Variants in CSMD1 observed in about 807,000 individuals in gnomAD.
CSMD1 encodes CUB and Sushi multiple domains 1, also known as CUB and sushi domain-containing protein 1.
In CSMD1, 213 loss-of-function variants were observed where a neutral mutation model predicts 417.5. The ratio of observed to expected loss-of-function variants is 0.51; its 90% CI spans 0.46 to 0.57. The LOEUF is 0.57. CSMD1 is among the 20% of genes least tolerant of loss of function. The pLI, the probability that CSMD1 is intolerant of heterozygous loss-of-function variation, is 0.00. For missense variants in CSMD1, 6,923 were observed against 4,529.7 expected (o/e 1.53, Z -15.17); for synonymous variants, 2,862 against 1,736.8 (o/e 1.65, Z -16.11).
At chr8:3,142,021 T>G (rs1818528869) in intron 41 of CSMD1, among the ~76,000 whole-genome samples, 1 of 151,992 alleles carries the variant, frequency 6.6e-6, no homozygotes, top group South Asian at 2.1e-4. Context: ...ATGGTCTCGA[T>G]CTCCTGACCT....
At position 3,369,382 on chromosome 8, in the gene CSMD1, A is replaced by C. The variant is rs371331772; in HGVS notation, c.2783-12T>G. 6.4e-5 allele frequency: 83 copies of C among 1,297,374 alleles called. No individual in the cohort carries two copies. Among genetic ancestry groups the C allele is most frequent in the Middle Eastern group, 1.8e-4 (1 of 5,466 alleles). The allele number at this position is 1,297,374 out of a possible 1,614,324, so 80.4% of individuals were successfully genotyped here. On this transcript the variant is annotated splice_polypyrimidine_tract_variant and intron_variant, in intron 18 of 69. Transcript: ENST00000635120. ...GCCTCCACATAGAGCTTAAAATAAT[A>C]AAGAGAGATGATTACAGCACTAAAG...
intron 7 of CSMD1, among the ~76,000 whole-genome samples, chr8:3,636,284 G>C (rs770592743): frequency 1.8e-4 from 27 of 152,146 alleles, no homozygotes; most frequent in Admixed American, 5.9e-4. Context: ...CCTCCTGAAG[G>C]CCCTGCCTGA....
intron 2 of CSMD1, among the ~76,000 whole-genome samples, chr8:4,438,824 T>G (rs1411514152): frequency 6.6e-6 from 1 of 152,200 alleles, no homozygotes; most frequent in Non-Finnish European, 1.5e-5. Flanking sequence ...AAGATCTAAT[T>G]CTCAAAATTG....
At chr8:3,056,750 A>T (rs1435911990) in intron 49 of CSMD1, among the ~76,000 whole-genome samples, 2 of 136,948 alleles carry the variant, frequency 1.5e-5, no homozygotes, top group Non-Finnish European at 3.2e-5. Flanking sequence ...ATGAATATGT[A>T]TATATAACTT....
At chr8:4,512,572 G>A (rs1240240052) in intron 2 of CSMD1, among the ~76,000 whole-genome samples, 1 of 151,936 alleles carries the variant, frequency 6.6e-6, no homozygotes, top group Non-Finnish European at 1.5e-5. Context: ...GAACTAATAA[G>A]CAATTATAGC....
chr8:3,284,690 G>A, intron 25 of CSMD1: 1 of 256,916 alleles, frequency 3.9e-6, no homozygotes, highest in Non-Finnish European at 7.7e-6. Flanking sequence ...ATATAAGCTT[G>A]GCATTGACAG....
chr8:4,769,485 T>A (rs1482460089), intron 1 of CSMD1, among the ~76,000 whole-genome samples: 1 of 152,212 alleles, frequency 6.6e-6, no homozygotes, highest in Non-Finnish European at 1.5e-5. Flanking sequence ...TATGTATTAA[T>A]ATAACATTTG....
chr8:4,365,226 G>A (rs965386449), intron 3 of CSMD1, among the ~76,000 whole-genome samples: 1 of 152,062 alleles, frequency 6.6e-6, no homozygotes, highest in Non-Finnish European at 1.5e-5. Context: ...AAAGAGTTTT[G>A]TTAATGCTTA....
intron 3 of CSMD1, among the ~76,000 whole-genome samples, chr8:4,406,239 G>C (rs572877130): frequency 6.6e-6 from 1 of 152,100 alleles, no homozygotes; most frequent in East Asian, 1.9e-4. Context: ...CCCAAATGGT[G>C]CAAGTGGCTC....
intron 3 of CSMD1, among the ~76,000 whole-genome samples, chr8:4,172,075 G>T (rs1006330908): frequency 7.2e-5 from 11 of 152,006 alleles, no homozygotes; most frequent in African/African-American, 2.7e-4. Context: ...CTCTTTCTCA[G>T]GGGAAGGCGT....
intron 10 of CSMD1, among the ~76,000 whole-genome samples, chr8:3,511,388 AT>A (rs1797060798): frequency 6.7e-6 from 1 of 148,982 alleles, no homozygotes; most frequent in Non-Finnish European, 1.5e-5. Context: ...AAAAAAAAAA[AT>A]TCCTTAACTG....
intron 5 of CSMD1, among the ~76,000 whole-genome samples, chr8:3,756,667 T>G (rs115774200): frequency 6.6e-6 from 1 of 152,218 alleles, no homozygotes; most frequent in South Asian, 2.1e-4. Context: ...GATCAGCGAA[T>G]GTAGGAAGCT....
At chr8:4,970,403 T>C (rs1031412063) in intron 1 of CSMD1, among the ~76,000 whole-genome samples, 6 of 152,162 alleles carry the variant, frequency 3.9e-5, no homozygotes, top group Admixed American at 2.0e-4. Flanking sequence ...ATTATTTTTA[T>C]CTTCATCAAC....
chr8:4,575,573 G>A, intron 2 of CSMD1, among the ~76,000 whole-genome samples: 1 of 152,202 alleles, frequency 6.6e-6, no homozygotes. Flanking sequence ...GAGACAGAAA[G>A]TTGTGTCCAC....
At chr8:3,878,926 G>A (rs977422391) in intron 5 of CSMD1, among the ~76,000 whole-genome samples, 4 of 152,132 alleles carry the variant, frequency 2.6e-5, no homozygotes, top group African/African-American at 9.7e-5. Context: ...GAATGTACAT[G>A]ACAGAAAATA....
chr8:3,504,755 G>C (rs1204268154), intron 10 of CSMD1, among the ~76,000 whole-genome samples: 3 of 152,096 alleles, frequency 2.0e-5, no homozygotes, highest in Non-Finnish European at 2.9e-5. Flanking sequence ...CTTCTCTTAA[G>C]TGTGGTTTTC....
At chr8:3,390,618 C>A (rs1306800876) in intron 17 of CSMD1, among the ~76,000 whole-genome samples, 1 of 151,664 alleles carries the variant, frequency 6.6e-6, no homozygotes, top group Non-Finnish European at 1.5e-5. Context: ...AACCTTAAAG[C>A]AACAATGAAT....
chr8:4,541,351 G>T (rs1455897273), intron 2 of CSMD1, among the ~76,000 whole-genome samples: 2 of 152,182 alleles, frequency 1.3e-5, no homozygotes, highest in Non-Finnish European at 2.9e-5. Context: ...TGCCTTTGAA[G>T]ATTTTAATGT....
chr8:4,843,276 C>T (rs923028251), intron 1 of CSMD1, among the ~76,000 whole-genome samples: 2 of 152,156 alleles, frequency 1.3e-5, no homozygotes, highest in Non-Finnish European at 1.5e-5. Context: ...AACATCCCAT[C>T]TATGGCCCAG....
Sources: allele counts gnomAD v4.1 joint callset (sites outside exome capture counted in the v4.1 genomes callset), GRCh38; gene constraint gnomAD v4.1.1; transcripts MANE v1.5; gene names NCBI Gene and HGNC (gene_info 2026-07-23, HGNC 2026-07-21).